Variants in MIER2 observed in about 807,000 individuals in gnomAD.
The protein encoded by MIER2 is mesoderm induction early response protein 2.
A neutral mutation model predicts 67.6 loss-of-function variants in MIER2; 30 were observed. The observed-to-expected ratio is 0.44, with a 90% CI of 0.33 to 0.60. The LOEUF is 0.60. MIER2 is among the 20% of genes least tolerant of loss of function. The pLI, the probability that MIER2 is intolerant of heterozygous loss-of-function variation, is 0.02. For missense variants in MIER2, 702 were observed against 745.1 expected (o/e 0.94, Z 0.67); for synonymous variants, 372 against 312.6 (o/e 1.19, Z -2.00).
Position 338,000 on chromosome 19 carries a change from T to C in MIER2, c.10-1827A>G, listed in dbSNP as rs539494725. Among the ~76,000 whole-genome samples, 25 of 150,944 alleles carry C rather than the reference T, an allele frequency of 1.7e-4. No individual in the cohort carries two copies. In the South Asian group the frequency reaches 3.1e-3, roughly 19 times the overall value. Reference sequence around the variant, plus strand: ...CATCCTGGCCAACAAGGTGAAACCCTGTCTCTACTAAAAATGTAAAAATTA... The same window carrying C: ...CATCCTGGCCAACAAGGTGAAACCCCGTCTCTACTAAAAATGTAAAAATTA... On this transcript the variant is annotated intron_variant, in intron 1 of 13. Coordinates refer to ENST00000264819, the MANE Select transcript of MIER2 (RefSeq NM_017550.3).
At chr19:306,854 G>A in intron 13 of MIER2, 143 bp from the exon 14 acceptor site, 1 of 1,362,728 alleles carries the variant, frequency 7.3e-7, no homozygotes, top group Non-Finnish European at 1.0e-6. Context: ...GGTGCCCTGA[G>A]GGGAGCTGGT....
intron 1 of MIER2, among the ~76,000 whole-genome samples, chr19:338,548 T>C (rs547863941): frequency 2.5e-4 from 38 of 151,452 alleles, no homozygotes; most frequent in South Asian, 6.2e-4. Flanking sequence ...AGAACCCCAG[T>C]TGGCTTCTTT....
rs774524710 is a variant in MIER2 at position 306,681 on chromosome 19, G to A, written c.*9C>T. On this transcript the variant is annotated 3_prime_UTR_variant, in exon 14 of 14. Transcript: ENST00000264819. ...AGTCTGGGCCGCATACGCCGCCCGC[G>A]GCCAGGAGTCAGCAGGTCATCACGT... is the stretch of plus-strand genomic sequence containing the variant. 7.9e-5 allele frequency: 123 copies of A among 1,556,488 alleles called. No individual in the cohort carries two copies. The highest frequency in any genetic ancestry group is 9.8e-5 in the Non-Finnish European group (113 of 1,150,078).
rs370465340 is a variant in MIER2, at chr19:316,384, C to T, written c.656-2741G>A. ...CTTGGCTCACTGCAACCTCCATCTCCGGGGTTCAAGCGATTCTCCTGCCTC... is the reference window on the plus strand; with the variant it reads ...CTTGGCTCACTGCAACCTCCATCTCTGGGGTTCAAGCGATTCTCCTGCCTC... On this transcript the variant is annotated intron_variant, in intron 7 of 13. Transcript: ENST00000264819. Among the ~76,000 whole-genome samples the T allele has an allele frequency of 1.7e-4, 26 of 152,104 alleles. No individual in the cohort carries two copies. The South Asian group carries it at 4.4e-3, about 25-fold the overall frequency.
intron 7 of MIER2, among the ~76,000 whole-genome samples, chr19:316,245 CA>C (rs59838395): frequency 0.025 from 3,785 of 152,082 alleles, 143 homozygotes; most frequent in African/African-American, 0.085. Context: ...AGGATAAATA[CA>C]AAGAATGTTC....
rs11880420 is a variant in MIER2 at position 318,129 on chromosome 19, G to A, written c.656-4486C>T. Among the ~76,000 whole-genome samples the A allele has an allele frequency of 8.5e-4, 130 of 152,286 alleles. 1 individual carries two copies. Among genetic ancestry groups the A allele is most frequent in the African/African-American group, 2.7e-3 (114 of 41,568 alleles). On this transcript the variant is annotated intron_variant, in intron 7 of 13. Coordinates refer to ENST00000264819, the MANE Select transcript of MIER2 (RefSeq NM_017550.3). ...AGAGGGGGAAGAATTGCTTGAACCCGGGAGGCGGAGGCTGCAGTGAGTGGA... is the reference window on the plus strand; with the variant it reads ...AGAGGGGGAAGAATTGCTTGAACCCAGGAGGCGGAGGCTGCAGTGAGTGGA...
At chr19:326,865 C>T in intron 5 of MIER2, 1 of 581,418 alleles carries the variant, frequency 1.7e-6, no homozygotes, top group East Asian at 2.9e-5. Flanking sequence ...GTGAAGGAGG[C>T]CGGTTCTGGG....
chr19:323,508 A>C (rs1568227493), intron 7 of MIER2, among the ~76,000 whole-genome samples: 2 of 152,164 alleles, frequency 1.3e-5, no homozygotes, highest in East Asian at 3.9e-4. Context: ...ACAACCACAC[A>C]GACGACTCAA....
intron 1 of MIER2, 174 bp downstream of exon 1, chr19:344,600 C>T (rs1972660710): frequency 3.6e-6 from 1 of 274,558 alleles, no homozygotes; most frequent in Non-Finnish European, 5.5e-6. Flanking sequence ...CGGGGGCGGC[C>T]GCCGATGGAG....
Position 308,453 on chromosome 19 carries a change from G to T in MIER2, c.1198+124C>A. On this transcript the variant is annotated intron_variant, in intron 12 of 13. Coordinates refer to ENST00000264819, the MANE Select transcript of MIER2 (RefSeq NM_017550.3). The surrounding 1 kb of genome is among the most constrained non-coding windows in gnomAD (Gnocchi z 9.1). ...CGTGGCTGCCCTCCGCCACCCAGAC[G>T]CCCACTCCTCCTGGCGAGGCTGGCC... The T allele has an allele frequency of 9.9e-7, 1 of 1,014,632 alleles. No homozygotes were observed. Among genetic ancestry groups the T allele is most frequent in the Non-Finnish European group, 1.4e-6 (1 of 705,856 alleles). The allele number at this position is 1,014,632 out of a possible 1,614,324, so 62.9% of individuals were successfully genotyped here.
intron 10 of MIER2, among the ~76,000 whole-genome samples, 163 bp downstream of exon 10, chr19:311,682 A>G (rs1489942502): frequency 1.3e-5 from 2 of 152,234 alleles, no homozygotes; most frequent in Admixed American, 1.3e-4. Flanking sequence ...CACAGCAGTC[A>G]GTAGCAAAAA....
intron 1 of MIER2, chr19:344,193 C>T: frequency 5.1e-6 from 5 of 985,384 alleles, no homozygotes; most frequent in Non-Finnish European, 6.0e-6. Context: ...GGCAGACCCA[C>T]CCACCCTGCG....
chr19:313,646 G>A lies in MIER2; in HGVS notation c.656-3C>T. 3 of 1,609,324 alleles carry A rather than the reference G, an allele frequency of 1.9e-6. No individual in the cohort carries two copies. Among genetic ancestry groups the A allele is most frequent in the Non-Finnish European group, 2.5e-6 (3 of 1,179,594 alleles). ...CAGCTGGTCTTCGTTCTCGTAGACT[G>A]CACAAGCAGAGGGCAAAGGTCAGCT... On this transcript the variant is annotated splice_polypyrimidine_tract_variant and splice_region_variant and intron_variant, in intron 7 of 13. Coordinates refer to ENST00000264819, the MANE Select transcript of MIER2 (RefSeq NM_017550.3).
chr19:316,689 C>G (rs556161086), intron 7 of MIER2, among the ~76,000 whole-genome samples: 52 of 152,330 alleles, frequency 3.4e-4, no homozygotes, highest in African/African-American at 1.2e-3. Flanking sequence ...TTATTTCAAG[C>G]TGTGAGGCCC....
In MIER2 at chr19:308,374, G is replaced by A. The variant is rs541804757; in HGVS notation, c.1198+203C>T. Among the ~76,000 whole-genome samples the A allele has an allele frequency of 3.7e-4, 56 of 152,224 alleles. No homozygotes were observed. Among genetic ancestry groups the A allele is most frequent in the African/African-American group, 1.2e-3 (49 of 41,540 alleles). On this transcript the variant is annotated intron_variant, in intron 12 of 13. Transcript: ENST00000264819. The surrounding 1 kb of genome is among the most constrained non-coding windows in gnomAD (Gnocchi z 9.1). ...CCTCCAGCAAGCCCAGAGGGTAAGC[G>A]TAATCCCTGCCCTCCCCTCTCCCAG...
chr19:310,715 G>A (rs1027191337), intron 10 of MIER2, among the ~76,000 whole-genome samples: 4 of 148,326 alleles, frequency 2.7e-5, no homozygotes, highest in African/African-American at 1.0e-4. Context: ...CGGAGCTATA[G>A]GAACATGGCC....
intron 7 of MIER2, among the ~76,000 whole-genome samples, chr19:320,045 C>G (rs998945506): frequency 5.9e-5 from 9 of 152,222 alleles, no homozygotes; most frequent in Admixed American, 4.6e-4. Context: ...ATCAAGCAAT[C>G]AATACATAAA....
intron 7 of MIER2, among the ~76,000 whole-genome samples, chr19:317,531 A>AAAAT (rs370133340): frequency 0.019 from 2,745 of 143,958 alleles, 40 homozygotes; most frequent in East Asian, 0.032. Context: ...TGTCTCAGAA[A>AAAAT]AAATAAATAA....
chr19:307,838 AG>A (rs1321199371), intron 12 of MIER2, among the ~76,000 whole-genome samples: 1 of 152,118 alleles, frequency 6.6e-6, no homozygotes, highest in Non-Finnish European at 1.5e-5. Flanking sequence ...GGGTAAATAC[AG>A]GGTCTGTGGA....
Sources: gnomAD v4.1 joint callset for allele counts (sites outside exome capture counted in the v4.1 genomes callset) on GRCh38, gnomAD v4.1.1 for gene constraint, Gnocchi (gnomAD v3.1) non-coding constraint, MANE v1.5 for transcripts, NCBI Gene and HGNC (gene_info 2026-07-23, HGNC 2026-07-21) for gene names.